The following ADD3 variants were observed in gnomAD, a reference collection of about 807,000 sequenced individuals.
The protein encoded by ADD3 is gamma-adducin.
Under a neutral mutation model 80.2 loss-of-function variants are expected in ADD3, and 25 were observed. The observed-to-expected ratio is 0.31, with a 90% CI of 0.23 to 0.44. The LOEUF (loss-of-function observed/expected upper bound fraction) is 0.44, where lower values mean the gene tolerates loss of function less well. Ranked by LOEUF, ADD3 falls within the 20% of genes least tolerant of loss-of-function variation. The probability of loss-of-function intolerance (pLI) is 1.00; values close to 1 mark genes in which losing one functional copy is unlikely to be tolerated. For missense variants in ADD3, 829 were observed against 847.5 expected (o/e 0.98, Z 0.27); for synonymous variants, 284 against 289.6 (o/e 0.98, Z 0.20).
chr10:110,073,138 C>CTTTTTTTTT (rs1189793476), intron 1 of ADD3, among the ~76,000 whole-genome samples: 5 of 94,254 alleles, frequency 5.3e-5, no homozygotes, highest in South Asian at 3.5e-4. Context: ...TTTTAGTTTT[C>CTTTTTTTTT]TTTTTTTTTT....
intron 4 of ADD3, 144 bp from the exon 5 acceptor site, chr10:110,117,198 A>G (rs1314224986): frequency 1.9e-6 from 1 of 513,256 alleles, no homozygotes; most frequent in Non-Finnish European, 3.4e-6. Context: ...GGAAAGTTTC[A>G]TGTTGTAGAC....
intron 1 of ADD3, among the ~76,000 whole-genome samples, chr10:110,035,574 T>C (rs1164010658): frequency 1.3e-5 from 2 of 151,950 alleles, no homozygotes; most frequent in East Asian, 4.0e-4. Context: ...GCCTGTAGTT[T>C]GACCCTCTCT....
intron 1 of ADD3, among the ~76,000 whole-genome samples, chr10:110,085,843 C>G (rs1031026075): frequency 6.6e-6 from 1 of 151,994 alleles, no homozygotes; most frequent in Non-Finnish European, 1.5e-5. Flanking sequence ...TGGTGGCTCA[C>G]GCCTGTAATC....
At chr10:110,131,755 CTT>C (rs1003495844) in intron 13 of ADD3, among the ~76,000 whole-genome samples, 4 of 152,134 alleles carry the variant, frequency 2.6e-5, no homozygotes, top group Admixed American at 2.0e-4. Context: ...TCTTTAATCT[CTT>C]GTTTTTTGAA....
intron 2 of ADD3, among the ~76,000 whole-genome samples, chr10:110,109,585 A>C (rs1406002302): frequency 1.3e-5 from 2 of 152,178 alleles, no homozygotes; most frequent in Non-Finnish European, 2.9e-5. Flanking sequence ...AGGTATCATT[A>C]ATTTTGGTTT....
At chr10:110,130,736 G>T (rs1469201922) in intron 13 of ADD3, among the ~76,000 whole-genome samples, 1 of 151,942 alleles carries the variant, frequency 6.6e-6, no homozygotes, top group Non-Finnish European at 1.5e-5. Context: ...CACGCCTGTA[G>T]TCCTAGCTAC....
Position 110,134,056 on chromosome 10 carries a change from A to G in ADD3, c.*438A>G, listed in dbSNP as rs1280001466. On this transcript the variant is annotated 3_prime_UTR_variant, in exon 15 of 15. Coordinates refer to ENST00000356080, the MANE Select transcript of ADD3 (RefSeq NM_016824.5). ...TTGGAGTCCCATTGTTTCAGTGGGC[A>G]TTAACAGAATGCTTTAAAAACTTCT... is the stretch of plus-strand genomic sequence containing the variant. 1 of 152,880 alleles carries G rather than the reference A, an allele frequency of 6.5e-6. No individual in the cohort carries two copies. Among genetic ancestry groups the G allele is most frequent in the South Asian group, 2.1e-4 (1 of 4,834 alleles). 9.5% of individuals were successfully genotyped at this position (152,880 alleles called of 1,614,324 possible). A position where few individuals can be genotyped will look rare whatever the true frequency, so the allele number is the denominator to read the frequency against.
At chr10:110,030,896 A>G (rs1854927107) in intron 1 of ADD3, among the ~76,000 whole-genome samples, 1 of 151,676 alleles carries the variant, frequency 6.6e-6, no homozygotes. Context: ...GATGAAGTTT[A>G]AAAAACGAAA....
intron 10 of ADD3, among the ~76,000 whole-genome samples, 185 bp downstream of exon 10, chr10:110,124,459 C>A (rs907909357): frequency 6.6e-6 from 1 of 152,120 alleles, no homozygotes; most frequent in Non-Finnish European, 1.5e-5. Context: ...TCTCATTTAA[C>A]TCTCCTAATA....
rs11392689 is a variant in ADD3, at chr10:110,019,357, C to CTTTT, written c.-30+11070_-30+11073dup. Among the ~76,000 whole-genome samples, 242 of 138,260 alleles carry CTTTT rather than the reference C, an allele frequency of 1.8e-3. 2 individuals carry two copies. The highest frequency in any genetic ancestry group is 6.2e-3 in the African/African-American group (233 of 37,342). The allele number at this position is 138,260 out of a possible 152,430, so 90.7% of individuals were successfully genotyped here. On this transcript the variant is annotated intron_variant, in intron 1 of 14. Coordinates refer to ENST00000356080, the MANE Select transcript of ADD3 (RefSeq NM_016824.5). The stretch of plus-strand genomic sequence containing the variant: ...TTTTGAGCAAGTAACTTTCTGTTTG[C>CTTTT]TTTTTTTTTTTTTTTGAGACGGAGT...
At chr10:110,115,314 G>C (rs1237828834) in intron 3 of ADD3, among the ~76,000 whole-genome samples, 1 of 152,110 alleles carries the variant, frequency 6.6e-6, no homozygotes. Flanking sequence ...CTTTGAACCT[G>C]GGAGGTGGAT....
intron 1 of ADD3, among the ~76,000 whole-genome samples, chr10:110,028,623 C>G (rs1352974611): frequency 6.6e-6 from 1 of 152,056 alleles, no homozygotes; most frequent in African/African-American, 2.4e-5. Flanking sequence ...TAGTGTTTGA[C>G]CTGAGCAAAT....
chr10:110,131,089 G>A (rs994340407), intron 13 of ADD3, among the ~76,000 whole-genome samples: 1 of 151,976 alleles, frequency 6.6e-6, no homozygotes, highest in African/African-American at 2.4e-5. Context: ...CTCTATTTCT[G>A]GTTATCTCAA....
intron 2 of ADD3, among the ~76,000 whole-genome samples, chr10:110,111,267 A>G (rs924970063): frequency 1.2e-4 from 19 of 152,352 alleles, no homozygotes; most frequent in African/African-American, 3.8e-4. Context: ...ATCCTGCTAC[A>G]TAAGTAACTA....
intron 1 of ADD3, among the ~76,000 whole-genome samples, chr10:110,092,140 C>T (rs1286416137): frequency 1.3e-5 from 2 of 152,092 alleles, no homozygotes; most frequent in African/African-American, 4.8e-5. Context: ...TGCTGTCCAG[C>T]CACTGTGGAA....
chr10:110,124,391 T>C, intron 10 of ADD3, 117 bp downstream of exon 10: 1 of 1,230,594 alleles, frequency 8.1e-7, no homozygotes, highest in Non-Finnish European at 1.1e-6. Flanking sequence ...AATATTACTG[T>C]CACTTATCTG....
chr10:110,075,475 G>A (rs1290531233), intron 1 of ADD3: 2 of 152,132 alleles, frequency 1.3e-5, no homozygotes, highest in African/African-American at 2.4e-5. Context: ...GTCTCTGAAT[G>A]TGCAGTATCA....
intron 1 of ADD3, among the ~76,000 whole-genome samples, chr10:110,029,106 C>T (rs991254582): frequency 1.3e-5 from 2 of 152,144 alleles, no homozygotes; most frequent in East Asian, 1.9e-4. Flanking sequence ...CTCGAACTCC[C>T]CACCTCAGGT....
chr10:110,088,420 C>G (rs939728854), intron 1 of ADD3, among the ~76,000 whole-genome samples: 3 of 152,096 alleles, frequency 2.0e-5, no homozygotes, highest in African/African-American at 7.2e-5. Context: ...AGGTTATAAC[C>G]AAAAAGTATT....
Sources: gnomAD v4.1 joint callset for allele counts (sites outside exome capture counted in the v4.1 genomes callset) on GRCh38, gnomAD v4.1.1 for gene constraint, MANE v1.5 for transcripts, NCBI Gene and HGNC (gene_info 2026-07-23, HGNC 2026-07-21) for gene names.